FSTL5: variants seen among roughly 807,000 people sequenced by gnomAD.
FSTL5 encodes the protein follistatin-related protein 5.
Under a neutral mutation model 89.1 loss-of-function variants are expected in FSTL5, and 62 were observed. That is an observed-to-expected ratio of 0.70 (90% CI 0.57 to 0.86). FSTL5 has a LOEUF of 0.86. FSTL5 is among the 40% of genes least tolerant of loss of function. FSTL5 has a pLI of 0.00. For missense variants in FSTL5, 1,057 were observed against 1,001.6 expected (o/e 1.06, Z -0.75); for synonymous variants, 383 against 346.2 (o/e 1.11, Z -1.18).
chr4:162,013,078 G>T (rs1736814653), intron 3 of FSTL5, among the ~76,000 whole-genome samples: 1 of 152,048 alleles, frequency 6.6e-6, no homozygotes, highest in Admixed American at 6.6e-5. Context: ...CAACTACTTG[G>T]GAGGCTGAGG....
chr4:161,766,300 A>T (rs545506506), intron 5 of FSTL5, among the ~76,000 whole-genome samples: 157 of 152,256 alleles, frequency 1.0e-3, no homozygotes, highest in Middle Eastern at 3.4e-3. Context: ...GTACCATTTC[A>T]AGTCCTCTGT....
chr4:161,689,439 C>A, intron 6 of FSTL5, among the ~76,000 whole-genome samples: 1 of 151,932 alleles, frequency 6.6e-6, no homozygotes, highest in East Asian at 1.9e-4. Flanking sequence ...ACTTTATAGA[C>A]AATATAAAAA....
At chr4:161,518,535 C>G (rs1429571269) in intron 10 of FSTL5, among the ~76,000 whole-genome samples, 1 of 152,142 alleles carries the variant, frequency 6.6e-6, no homozygotes, top group Admixed American at 6.6e-5. Flanking sequence ...GGATGCATCT[C>G]TGGCTGCTTC....
chr4:161,499,904 T>A, intron 12 of FSTL5, 112 bp downstream of exon 12: 1 of 661,120 alleles, frequency 1.5e-6, no homozygotes, highest in Non-Finnish European at 2.7e-6. Flanking sequence ...GTTTCATAAT[T>A]TTCTTCCAAC....
chr4:162,131,223 A>C (rs2111458049), intron 1 of FSTL5, among the ~76,000 whole-genome samples: 1 of 152,318 alleles, frequency 6.6e-6, no homozygotes, highest in South Asian at 2.1e-4. Flanking sequence ...AATCTCAGGT[A>C]TTATCTGAGT....
intron 4 of FSTL5, among the ~76,000 whole-genome samples, chr4:161,834,417 C>A (rs936541843): frequency 3.9e-5 from 6 of 152,168 alleles, no homozygotes; most frequent in African/African-American, 1.4e-4. Context: ...TCTCTCACCA[C>A]TCCTATTCAA....
At chr4:161,599,914 T>C (rs1053239516) in intron 7 of FSTL5, among the ~76,000 whole-genome samples, 43 of 152,050 alleles carry the variant, frequency 2.8e-4, no homozygotes, top group African/African-American at 1.0e-3. Context: ...AAAAATAAAA[T>C]TCAAGACGAC....
chr4:161,436,264 A>G lies in FSTL5; in HGVS notation c.1841+18740T>C, dbSNP rs561730957. 3.9e-5 allele frequency among the ~76,000 whole-genome samples: 6 copies of G among 152,316 alleles called. No homozygotes were observed. In the South Asian group the frequency reaches 1.2e-3, roughly 32 times the overall value. On this transcript the variant is annotated intron_variant, in intron 15 of 15. Transcript: ENST00000306100. ...ACTCATGGTAGCCTTTAAATAGGAT[A>G]AAAATCTAAACACGTTTTTCTTCCT...
chr4:161,599,570 G>A (rs1734153203), intron 7 of FSTL5, among the ~76,000 whole-genome samples: 1 of 152,042 alleles, frequency 6.6e-6, no homozygotes, highest in Admixed American at 6.6e-5. Flanking sequence ...ACTATTCCAA[G>A]TGTTTTAAAT....
chr4:161,955,419 G>C (rs1735002449), intron 3 of FSTL5, among the ~76,000 whole-genome samples: 1 of 151,634 alleles, frequency 6.6e-6, no homozygotes, highest in South Asian at 2.1e-4. Context: ...AATGTTTTAA[G>C]TAAATCTTGT....
chr4:161,749,355 A>G (rs2126780044), intron 6 of FSTL5, among the ~76,000 whole-genome samples: 1 of 152,342 alleles, frequency 6.6e-6, no homozygotes, highest in African/African-American at 2.4e-5. Flanking sequence ...AGTATTTCAT[A>G]AAAATGAATG....
chr4:161,640,030 T>G (rs528721861), intron 7 of FSTL5, among the ~76,000 whole-genome samples: 1 of 152,288 alleles, frequency 6.6e-6, no homozygotes, highest in South Asian at 2.1e-4. Flanking sequence ...GAAATTTACA[T>G]ACAGAGAAAA....
At chr4:161,410,939 G>C (rs912076409) in intron 15 of FSTL5, among the ~76,000 whole-genome samples, 1 of 118,326 alleles carries the variant, frequency 8.5e-6, no homozygotes, top group Non-Finnish European at 1.9e-5. Context: ...ATGAAACCAA[G>C]GGTTGGTTGT....
chr4:161,577,473 C>CAAAAAAAAAAAAAAAAAAAAGAAA (rs544029134), intron 8 of FSTL5, among the ~76,000 whole-genome samples: 12 of 110,152 alleles, frequency 1.1e-4, no homozygotes, highest in Non-Finnish European at 1.4e-4. Context: ...AGAAAAAAGA[C>CAAAAAAAAAAAAAAAAAAAAGAAA]AAAAAAAAAA....
rs78365350 is a variant in FSTL5 at position 161,536,093 on chromosome 4, G to A, written c.1312+2073C>T. The stretch of plus-strand genomic sequence containing the variant: ...GGACACTGGGAACTACTAAAGGAGC[G>A]AAGTATGAAAGGAGGCATGGGCTGA... On this transcript the variant is annotated intron_variant, in intron 10 of 15. Transcript: ENST00000306100. 7.8e-3 allele frequency among the ~76,000 whole-genome samples: 1,182 copies of A among 152,106 alleles called. 17 individuals are homozygous for A. Among genetic ancestry groups the A allele is most frequent in the African/African-American group, 0.027 (1,139 of 41,496 alleles).
chr4:161,580,764 A>C (rs1733406340), intron 8 of FSTL5, among the ~76,000 whole-genome samples: 1 of 152,162 alleles, frequency 6.6e-6, no homozygotes, highest in Admixed American at 6.5e-5. Flanking sequence ...GGGCAGTTAG[A>C]TTGGGGCAAA....
At chr4:161,448,099 G>T (rs941904929) in intron 15 of FSTL5, among the ~76,000 whole-genome samples, 1 of 152,108 alleles carries the variant, frequency 6.6e-6, no homozygotes, top group South Asian at 2.1e-4. Context: ...TTTTGAGAGA[G>T]TGTAGACAGA....
chr4:161,437,953 C>T (rs1159852917), intron 15 of FSTL5, among the ~76,000 whole-genome samples: 2 of 152,184 alleles, frequency 1.3e-5, no homozygotes, highest in African/African-American at 4.8e-5. Flanking sequence ...GGAAGACTTA[C>T]TCCTCCGAAG....
intron 15 of FSTL5, among the ~76,000 whole-genome samples, chr4:161,392,552 A>G (rs1730855604): frequency 6.6e-6 from 1 of 152,176 alleles, no homozygotes; most frequent in African/African-American, 2.4e-5. Flanking sequence ...TATACATTGT[A>G]GATTGTATTT....
Sources: allele counts gnomAD v4.1 joint callset (sites outside exome capture counted in the v4.1 genomes callset), GRCh38; gene constraint gnomAD v4.1.1; transcripts MANE v1.5; gene names NCBI Gene and HGNC (gene_info 2026-07-23, HGNC 2026-07-21).